Variants in PAXIP1 observed in about 807,000 individuals in gnomAD.
PAXIP1 encodes PAX-interacting protein 1.
PAXIP1 carries 19 observed loss-of-function variants against 140.6 expected under a neutral mutation model. The ratio of observed to expected loss-of-function variants is 0.14; its 90% confidence interval spans 0.09 to 0.20. The LOEUF is 0.20. Ranked by LOEUF, PAXIP1 falls within the 10% of genes least tolerant of loss-of-function variation. PAXIP1 has a pLI of 1.00. For synonymous variants in PAXIP1, 442 were observed against 444.6 expected (o/e 0.99, Z 0.07); for missense variants, 920 against 1,208.6 (o/e 0.76, Z 3.54).
At chr7:154,975,668 G>T in intron 6 of PAXIP1, 28 bp downstream of exon 6, 3 of 1,468,452 alleles carry the variant, frequency 2.0e-6, no homozygotes, top group South Asian at 1.2e-5. Flanking sequence ...ATCCAATACT[G>T]ACATTTTTTT....
Position 154,947,974 on chromosome 7 carries a change from C to T in PAXIP1, c.2851G>A (p.Glu951Lys). ...CTGAAAGAGAAAAGTACTTCTGCCT[C>T]AGCATCTCGGAGAATGTAGTTCTGC... ...DEQNYILRDA[E>K]AEVLFSFSLE... Residue 951 changes from glutamate (E) to lysine (K), a missense_variant, in exon 17 of 21, where the codon GAG (glutamate) becomes AAG (lysine). Physicochemically the swap from Glu to Lys is moderately conservative, Grantham distance 56. Around this residue, in one of 5 missense-constraint regions of PAXIP1, gnomAD observed 303 missense variants for 517.9 expected, o/e 0.59. Coordinates refer to ENST00000404141, the MANE Select transcript of PAXIP1 (RefSeq NM_007349.4). 1 of 1,613,424 alleles carries T rather than the reference C, an allele frequency of 6.2e-7. No individual in the cohort carries two copies. Among genetic ancestry groups the T allele is most frequent in the Non-Finnish European group, 8.5e-7 (1 of 1,179,372 alleles).
At chr7:154,957,915 C>T (rs1452132218) in intron 13 of PAXIP1, among the ~76,000 whole-genome samples, 1 of 139,814 alleles carries the variant, frequency 7.2e-6, no homozygotes, top group East Asian at 2.1e-4. Flanking sequence ...TGCAGTGAGC[C>T]GAGATTGCGC....
rs537985708 is a variant in PAXIP1 at position 154,958,344 on chromosome 7, G to C, written c.2479-1050C>G. 9.5e-4 allele frequency among the ~76,000 whole-genome samples: 145 copies of C among 152,334 alleles called. 1 individual carries two copies. The highest frequency in any genetic ancestry group is 3.5e-3 in the African/African-American group (144 of 41,584). On this transcript the variant is annotated intron_variant, in intron 13 of 20. Coordinates refer to ENST00000404141, the MANE Select transcript of PAXIP1 (RefSeq NM_007349.4). ...TCAACTCAGAGGTTCTTTGACTTGT[G>C]TGGGCCAACCATGTCTTTCCCAGGT...
chr7:154,965,222 G>A (rs1188421834), intron 8 of PAXIP1: 2 of 152,390 alleles, frequency 1.3e-5, no homozygotes, highest in Non-Finnish European at 1.5e-5. Flanking sequence ...GAGCCTCTGT[G>A]GTGAGGAGCT....
At chr7:154,985,780 TC>T (rs1423210164) in intron 4 of PAXIP1, among the ~76,000 whole-genome samples, 1 of 152,226 alleles carries the variant, frequency 6.6e-6, no homozygotes, top group Non-Finnish European at 1.5e-5. Flanking sequence ...CAGGATTTTC[TC>T]CTTGTCCAGT....
rs960147483 is a variant in PAXIP1, at chr7:154,947,958, A to G, written c.2867T>C (p.Phe956Ser). Residue 956 changes from phenylalanine (F) to serine (S), a missense_variant, in exon 17 of 21, where the codon TTC becomes TCC. Coordinates refer to ENST00000404141, the MANE Select transcript of PAXIP1 (RefSeq NM_007349.4). ...TAAGGATTCTTCCAAGCTGAAAGAG[A>G]AAAGTACTTCTGCCTCAGCATCTCG... is the stretch of plus-strand genomic sequence containing the variant. ...ILRDAEAEVL[F>S]SFSLEESLKR... The G allele has an allele frequency of 6.2e-7, 1 of 1,613,552 alleles. No individual in the cohort carries two copies. The highest frequency in any genetic ancestry group is 1.3e-5 in the African/African-American group (1 of 74,914).
intron 7 of PAXIP1, 46 bp from the exon 8 acceptor site, chr7:154,967,956 T>C (rs1413395417): frequency 2.2e-6 from 3 of 1,355,148 alleles, no homozygotes; most frequent in Non-Finnish European, 3.1e-6. Flanking sequence ...ACCCTATGAA[T>C]ATGCTTGCAC....
chr7:154,962,204 C>A, intron 10 of PAXIP1, 117 bp downstream of exon 10: 1 of 1,071,834 alleles, frequency 9.3e-7, no homozygotes, highest in Non-Finnish European at 1.4e-6. Flanking sequence ...GGCAAAAGTA[C>A]ATAGAGAAGC....
In PAXIP1 at chr7:154,944,033, C is replaced by G; in HGVS notation, c.*116G>C. 2.2e-6 allele frequency: 2 copies of G among 898,480 alleles called. No individual in the cohort carries two copies. The highest frequency in any genetic ancestry group is 3.7e-6 in the Non-Finnish European group (2 of 546,498). The allele number at this position is 898,480 out of a possible 1,614,324, so 55.7% of individuals were successfully genotyped here. Reference sequence around the variant, plus strand: ...CTGTCTTCCTGCTTCACAGTCTGATCCCCCAGGAAAGCAGCTGGAAAACAA... The same window carrying G: ...CTGTCTTCCTGCTTCACAGTCTGATGCCCCAGGAAAGCAGCTGGAAAACAA... On this transcript the variant is annotated 3_prime_UTR_variant, in exon 21 of 21. Transcript: ENST00000404141.
rs1426234085 is a variant in PAXIP1 at position 154,959,770 on chromosome 7, A to G, written c.2478+120T>C. On this transcript the variant is annotated intron_variant, in intron 13 of 20. Coordinates refer to ENST00000404141, the MANE Select transcript of PAXIP1 (RefSeq NM_007349.4). ...TCAGTCCTAGGATTTACTGGAGTAG[A>G]TAATTCGTTATCATGTTGACAAGTT... is the stretch of plus-strand genomic sequence containing the variant. The G allele has an allele frequency of 7.0e-6, 5 of 711,796 alleles. No individual in the cohort carries two copies. The African/African-American group carries it at 7.1e-5, about 10-fold the overall frequency. The allele number at this position is 711,796 out of a possible 1,614,324, so 44.1% of individuals were successfully genotyped here.
intron 1 of PAXIP1, among the ~76,000 whole-genome samples, chr7:154,999,122 C>T (rs62471879): frequency 0.024 from 3,586 of 152,202 alleles, 60 homozygotes; most frequent in Middle Eastern, 0.044. Context: ...ACATGGTGCT[C>T]CTGAGCTTCC....
intron 2 of PAXIP1, among the ~76,000 whole-genome samples, chr7:154,995,663 A>G (rs1236408074): frequency 1.3e-5 from 2 of 152,194 alleles, no homozygotes; most frequent in Non-Finnish European, 2.9e-5. Context: ...CAGCCTGGCC[A>G]ACATGGTGAA....
intron 3 of PAXIP1, among the ~76,000 whole-genome samples, chr7:154,992,694 T>C (rs908350728): frequency 6.6e-6 from 1 of 152,204 alleles, no homozygotes; most frequent in Admixed American, 6.5e-5. Context: ...CCCAGTCTTT[T>C]TGACTTCTTA....
chr7:154,987,920 C>G (rs2150778520), intron 4 of PAXIP1, among the ~76,000 whole-genome samples: 1 of 152,344 alleles, frequency 6.6e-6, no homozygotes, highest in Non-Finnish European at 1.5e-5. Flanking sequence ...TGCAAGTCAT[C>G]CTCAGAGCTC....
chr7:154,974,060 G>C (rs1809453583), intron 6 of PAXIP1: 2 of 152,504 alleles, frequency 1.3e-5, no homozygotes, highest in Non-Finnish European at 2.9e-5. Context: ...AGTCAGCCTT[G>C]TTTTCTCTGG....
At position 154,976,105 on chromosome 7, in the gene PAXIP1, C is replaced by G; in HGVS notation, c.665G>C (p.Ser222Thr). The G allele has an allele frequency of 1.3e-6, 2 of 1,572,108 alleles. No homozygotes were observed. Among genetic ancestry groups the G allele is most frequent in the East Asian group, 4.7e-5 (2 of 42,902 alleles). ...GSTDEKSSPA[S>T]SQEGSPSGDQ... is the part of the protein sequence containing the mutation. ...ACCTGAAGGAGACCCTTCTTGAGAG[C>G]TGGCAGGGCTTGACTTCTCATCTGT... The change falls in exon 6 of 21, where the codon AGC becomes ACC. Residue 222 changes from serine to threonine, a missense_variant. Coordinates refer to ENST00000404141, the MANE Select transcript of PAXIP1 (RefSeq NM_007349.4).
Position 154,963,574 on chromosome 7 carries a change from A to G in PAXIP1, c.1989+97T>C. 1.2e-6 allele frequency: 1 copy of G among 808,626 alleles called. No homozygotes were observed. The highest frequency in any genetic ancestry group is 2.0e-6 in the Non-Finnish European group (1 of 489,530). 50.1% of individuals were successfully genotyped at this position (808,626 alleles called of 1,614,324 possible). A position where few individuals can be genotyped will look rare whatever the true frequency, so the allele number is the denominator to read the frequency against. On this transcript the variant is annotated intron_variant, in intron 9 of 20. Transcript: ENST00000404141. This position sits in a 1 kb window ranked among gnomAD's most constrained non-coding sequence, Gnocchi z 4.1. ...ATTTTCCTATCTTTAGAGGTAGAAA[A>G]AAGTTCTTTCCAAAAATAATAATCA... is the stretch of plus-strand genomic sequence containing the variant.
At position 154,986,583 on chromosome 7, in the gene PAXIP1, G is replaced by GT. The variant is rs1246154909; in HGVS notation, c.325-3252dup. 6.6e-6 allele frequency among the ~76,000 whole-genome samples: 1 copy of GT among 152,162 alleles called. No homozygotes were observed. Among genetic ancestry groups the GT allele is most frequent in the Non-Finnish European group, 1.5e-5 (1 of 68,032 alleles). On this transcript the variant is annotated intron_variant, in intron 4 of 20. Coordinates refer to ENST00000404141, the MANE Select transcript of PAXIP1 (RefSeq NM_007349.4). This position sits in a 1 kb window ranked among gnomAD's most constrained non-coding sequence, Gnocchi z 4.8. Reference sequence around the variant, plus strand: ...TGCACACTGTACATATGTTGTTAATGTATCTTACAACCAAAATAACATTTT... The same window carrying GT: ...TGCACACTGTACATATGTTGTTAATGTTATCTTACAACCAAAATAACATTTT...
At chr7:154,975,576 A>C (rs1809533460) in intron 6 of PAXIP1, 120 bp downstream of exon 6, 1 of 662,426 alleles carries the variant, frequency 1.5e-6, no homozygotes. Context: ...GTTCTCACAC[A>C]AATACTGCTT....
Sources: gnomAD v4.1 joint callset for allele counts (sites outside exome capture counted in the v4.1 genomes callset) on GRCh38, gnomAD v4.1.1 for gene constraint, gnomAD v4.1.1 regional missense constraint, Gnocchi (gnomAD v3.1) non-coding constraint, MANE v1.5 for transcripts, NCBI Gene and HGNC (gene_info 2026-07-23, HGNC 2026-07-21) for gene names.